Variants in SPECC1 observed in about 807,000 individuals in gnomAD.
SPECC1 encodes cytospin-B.
Under a neutral mutation model 104.1 loss-of-function variants are expected in SPECC1, and 62 were observed. The observed-to-expected ratio is 0.60, with a 90% confidence interval of 0.49 to 0.74. The LOEUF (loss-of-function observed/expected upper bound fraction) is 0.74. SPECC1 is among the 30% of genes least tolerant of loss of function. The pLI is 0.00. For synonymous variants in SPECC1, 513 were observed against 501.6 expected (o/e 1.02, Z -0.30); for missense variants, 1,306 against 1,310.5 (o/e 1.00, Z 0.05).
intron 3 of SPECC1, among the ~76,000 whole-genome samples, chr17:20,175,739 T>C (rs947181081): frequency 2.6e-5 from 4 of 152,228 alleles, no homozygotes; most frequent in African/African-American, 9.6e-5. Context: ...GTTCTGCTCC[T>C]GGAGATTAAG....
chr17:20,302,596 C>G (rs548016902), intron 13 of SPECC1, among the ~76,000 whole-genome samples: 4 of 151,730 alleles, frequency 2.6e-5, no homozygotes, highest in Admixed American at 6.5e-5. Context: ...CTATGTCACC[C>G]TGTATACTAT....
chr17:20,211,218 C>T (rs2037126238), intron 4 of SPECC1, among the ~76,000 whole-genome samples: 1 of 152,226 alleles, frequency 6.6e-6, no homozygotes, highest in Admixed American at 6.5e-5. Context: ...GGTTACTGAG[C>T]TGAAAACATG....
At chr17:20,134,297 C>T (rs1162384670) in intron 3 of SPECC1, among the ~76,000 whole-genome samples, 3 of 151,732 alleles carry the variant, frequency 2.0e-5, no homozygotes, top group East Asian at 2.0e-4. Context: ...AATTTATGTA[C>T]CTATTTGCTC....
intron 14 of SPECC1, among the ~76,000 whole-genome samples, chr17:20,308,007 G>T (rs2041819205): frequency 6.6e-6 from 1 of 152,126 alleles, no homozygotes; most frequent in Non-Finnish European, 1.5e-5. Flanking sequence ...AAAATTCACA[G>T]ATGATGATGA....
intron 1 of SPECC1, among the ~76,000 whole-genome samples, chr17:20,014,453 A>G (rs2044046298): frequency 6.6e-6 from 1 of 152,104 alleles, no homozygotes; most frequent in South Asian, 2.1e-4. Flanking sequence ...TGTTTTCTTA[A>G]TGAGTCCTTA....
rs1200352381 is a variant in SPECC1 at position 20,318,014 on chromosome 17, A to T, written c.*3949A>T. The stretch of plus-strand genomic sequence containing the variant: ...GGCAGGAAAACAAGGTCAGCATCTT[A>T]TTTTTTCTATACTCAGCAGAGTGTG... On this transcript the variant is annotated 3_prime_UTR_variant, in exon 15 of 15. Transcript: ENST00000395527. 1 of 228,532 alleles carries T rather than the reference A, an allele frequency of 4.4e-6. No individual in the cohort carries two copies. The highest frequency in any genetic ancestry group is 6.8e-5 in the East Asian group (1 of 14,646). The allele number at this position is 228,532 out of a possible 1,614,324, so 14.2% of individuals were successfully genotyped here. A position where few individuals can be genotyped will look rare whatever the true frequency, so the allele number is the denominator to read the frequency against.
chr17:20,081,960 C>T lies in SPECC1; in HGVS notation c.-21-14671C>T, dbSNP rs573045688. Among the ~76,000 whole-genome samples the T allele has an allele frequency of 1.7e-3, 253 of 152,322 alleles. 1 individual carries two copies. The highest frequency in any genetic ancestry group is 5.6e-3 in the African/African-American group (234 of 41,578). On this transcript the variant is annotated intron_variant, in intron 1 of 14. Coordinates refer to ENST00000395527, the MANE Select transcript of SPECC1 (RefSeq NM_001243439.2). ...CCGTTCAGACTCCTGCTGCTGCTCC[C>T]GCTGCCTCCTTCCATCACAGATGAT... is the stretch of plus-strand genomic sequence containing the variant.
At chr17:20,306,515 A>C (rs2041770064) in intron 14 of SPECC1, among the ~76,000 whole-genome samples, 1 of 152,272 alleles carries the variant, frequency 6.6e-6, no homozygotes, top group Non-Finnish European at 1.5e-5. Flanking sequence ...ATGGTGGGCC[A>C]AGCAAGCAGC....
In SPECC1 at chr17:20,204,560, C is replaced by G. The variant is rs200374864; in HGVS notation, c.511C>G (p.Arg171Gly). The G allele has an allele frequency of 5.0e-6, 8 of 1,613,992 alleles. No individual in the cohort carries two copies. In the East Asian group the frequency reaches 1.1e-4, roughly 22 times the overall value. The part of the protein sequence containing the change: ...GEKAALESQV[R>G]ELLAEAKAKD... ...AAAGGCTGCGCTTGAGTCCCAAGTT[C>G]GGGAACTTTTGGCAGAAGCCAAAGC... The change falls in exon 4 of 15, where the codon CGG (arginine) becomes GGG (glycine). Residue 171 changes from arginine to glycine, a missense_variant. Physicochemically the swap from Arg to Gly is moderately radical, Grantham distance 125. Transcript: ENST00000395527.
intron 3 of SPECC1, among the ~76,000 whole-genome samples, chr17:20,124,567 C>A (rs1032816820): frequency 5.3e-5 from 8 of 152,118 alleles, no homozygotes; most frequent in African/African-American, 1.9e-4. Context: ...TTAGAGAGGT[C>A]ATTTATCAAT....
At chr17:20,134,444 C>T (rs951651375) in intron 3 of SPECC1, among the ~76,000 whole-genome samples, 1 of 151,968 alleles carries the variant, frequency 6.6e-6, no homozygotes, top group Non-Finnish European at 1.5e-5. Flanking sequence ...ACTCAGCTCC[C>T]ATGCTGACCC....
At chr17:20,086,989 C>T (rs530657061) in intron 1 of SPECC1, 5 of 152,096 alleles carry the variant, frequency 3.3e-5, no homozygotes, top group South Asian at 4.2e-4. Context: ...CCCATATCCC[C>T]GCTTGGCTTA....
In SPECC1 at chr17:20,314,127, A is replaced by AT; in HGVS notation, c.*64dup. The AT allele has an allele frequency of 7.0e-7, 1 of 1,432,048 alleles. No individual in the cohort carries two copies. The highest frequency in any genetic ancestry group is 1.4e-5 in the African/African-American group (1 of 71,554). The allele number at this position is 1,432,048 out of a possible 1,614,324, so 88.7% of individuals were successfully genotyped here. On this transcript the variant is annotated 3_prime_UTR_variant, in exon 15 of 15. Coordinates refer to ENST00000395527, the MANE Select transcript of SPECC1 (RefSeq NM_001243439.2). ...CTGCAGCTTTTCCTGGAAGCGCCTG[A>AT]TTACTGTCCACTGACCCTGCTCTGC... is the stretch of plus-strand genomic sequence containing the variant.
intron 3 of SPECC1, among the ~76,000 whole-genome samples, chr17:20,120,026 A>G (rs1268962539): frequency 1.3e-5 from 2 of 152,244 alleles, no homozygotes. Context: ...TCAGAAATCC[A>G]GAACACTTAT....
At chr17:20,170,186 C>T (rs62066872) in intron 3 of SPECC1, among the ~76,000 whole-genome samples, 4 of 152,220 alleles carry the variant, frequency 2.6e-5, no homozygotes, top group Non-Finnish European at 5.9e-5. Flanking sequence ...GGACATTGTG[C>T]TGCAGTTGGT....
intron 1 of SPECC1, among the ~76,000 whole-genome samples, chr17:20,086,738 G>A (rs956467543): frequency 6.6e-6 from 1 of 152,160 alleles, no homozygotes; most frequent in Non-Finnish European, 1.5e-5. Context: ...CGTTATGGAG[G>A]GTCCCTTTTT....
chr17:20,298,948 A>AGAGAGGGGGTGTGTGTGTGTGTGTGTGT, intron 13 of SPECC1, among the ~76,000 whole-genome samples: 1 of 49,072 alleles, frequency 2.0e-5, no homozygotes, highest in Non-Finnish European at 3.7e-5. Flanking sequence ...AGAGAGAGAG[A>AGAGAGGGGGTGTGTGTGTGTGTGTGTGT]GTGTGTGTGT....
intron 12 of SPECC1, among the ~76,000 whole-genome samples, chr17:20,295,502 CA>C (rs2142016215): frequency 6.6e-6 from 1 of 152,200 alleles, no homozygotes; most frequent in African/African-American, 2.4e-5. Flanking sequence ...GTCTTTATAG[CA>C]GCGTGATTTA....
intron 12 of SPECC1, among the ~76,000 whole-genome samples, chr17:20,268,609 G>A (rs1206201042): frequency 1.3e-5 from 2 of 152,178 alleles, no homozygotes; most frequent in African/African-American, 4.8e-5. Flanking sequence ...TAGCAGATGC[G>A]CGGCACTGTG....
Sources: allele counts gnomAD v4.1 joint callset (sites outside exome capture counted in the v4.1 genomes callset), GRCh38; gene constraint gnomAD v4.1.1; transcripts MANE v1.5; gene names NCBI Gene and HGNC (gene_info 2026-07-23, HGNC 2026-07-21).